The following SCLT1 variants were observed in gnomAD, a reference collection of about 807,000 sequenced individuals.
The protein encoded by SCLT1 is sodium channel and clathrin linker 1, also known as sodium channel-associated protein 1.
SCLT1 carries 78 observed loss-of-function variants against 112.8 expected under a neutral mutation model. The ratio of observed to expected loss-of-function variants is 0.69; its 90% CI spans 0.58 to 0.83. The LOEUF (loss-of-function observed/expected upper bound fraction) is 0.83, where lower values mean the gene tolerates loss of function less well. Among genes scored for constraint, SCLT1 ranks in the 40% least tolerant of loss-of-function variants. The pLI, the probability that SCLT1 is intolerant of heterozygous loss-of-function variation, is 0.00. For synonymous variants in SCLT1, 257 were observed against 254.7 expected (o/e 1.01, Z -0.09); for missense variants, 747 against 770.4 (o/e 0.97, Z 0.36).
chr4:129,063,236 C>T (rs1215325892), intron 2 of SCLT1, among the ~76,000 whole-genome samples: 2 of 152,188 alleles, frequency 1.3e-5, no homozygotes, highest in African/African-American at 2.4e-5. Context: ...ATCAGTCTTA[C>T]GTTGCCATCT....
chr4:129,022,667 T>C (rs779365199), intron 5 of SCLT1, among the ~76,000 whole-genome samples: 7 of 152,176 alleles, frequency 4.6e-5, no homozygotes, highest in Non-Finnish European at 8.8e-5. Flanking sequence ...AACCTACGAC[T>C]GACTGGGGAA....
chr4:129,012,937 T>C (rs1402830474), intron 5 of SCLT1, among the ~76,000 whole-genome samples: 2 of 152,180 alleles, frequency 1.3e-5, no homozygotes, highest in Admixed American at 1.3e-4. Flanking sequence ...AAAGACAGCA[T>C]ACCAACGGGT....
At chr4:128,951,390 T>TA (rs1560883432) in intron 14 of SCLT1, among the ~76,000 whole-genome samples, 1 of 152,186 alleles carries the variant, frequency 6.6e-6, no homozygotes, top group Non-Finnish European at 1.5e-5. Flanking sequence ...AGCTATGAAG[T>TA]AGAATTGTTT....
rs2125788304 is a variant in SCLT1, at chr4:129,090,218, A to G, written c.34+2852T>C. ...ACATCAATGATGTACAGAAGAACCA[A>G]TTTTATTTTAAAACTTACTATAAAG... On this transcript the variant is annotated intron_variant, in intron 1 of 20. Coordinates refer to ENST00000281142, the MANE Select transcript of SCLT1 (RefSeq NM_144643.4). 2.6e-5 allele frequency among the ~76,000 whole-genome samples: 4 copies of G among 152,292 alleles called. 1 individual carries two copies. The South Asian group carries it at 6.2e-4, about 24-fold the overall frequency.
At chr4:128,934,592 T>C (rs1377809994) in intron 18 of SCLT1, among the ~76,000 whole-genome samples, 2 of 151,904 alleles carry the variant, frequency 1.3e-5, no homozygotes, top group African/African-American at 4.8e-5. Flanking sequence ...GATTTGTTGC[T>C]AGGTATTTGA....
At chr4:128,982,253 G>A (rs890753202) in intron 9 of SCLT1, among the ~76,000 whole-genome samples, 1 of 152,150 alleles carries the variant, frequency 6.6e-6, no homozygotes, top group East Asian at 1.9e-4. Flanking sequence ...AAAATTTAAT[G>A]AGATCTCATC....
intron 14 of SCLT1, among the ~76,000 whole-genome samples, chr4:128,950,796 G>A (rs1738663349): frequency 6.6e-6 from 1 of 152,090 alleles, no homozygotes; most frequent in Non-Finnish European, 1.5e-5. Flanking sequence ...TGTTACTTTT[G>A]TAAGTTTGAA....
In SCLT1 at chr4:128,874,258, C is replaced by CTGGG. The variant is rs1339212915; in HGVS notation, n.407+153_407+156dup. 6 of 152,590 alleles carry CTGGG rather than the reference C, an allele frequency of 3.9e-5. No homozygotes were observed. In the East Asian group the frequency reaches 1.2e-3, roughly 29 times the overall value. The allele number at this position is 152,590 out of a possible 1,614,324, so 9.5% of individuals were successfully genotyped here. On this transcript the variant is annotated intron_variant and non_coding_transcript_variant, in intron 5 of 7. Coordinates refer to the SCLT1 transcript ENST00000503565. Reference sequence around the variant, plus strand: ...TTATCTTTTGATTACAGCAACAGCTCTGGGTGAGAGTAGAATTTATAGAGG... The same window carrying CTGGG: ...TTATCTTTTGATTACAGCAACAGCTCTGGGTGGGTGAGAGTAGAATTTATAGAGG...
At chr4:129,039,260 TAAAC>T (rs1364096745) in intron 4 of SCLT1, 164 bp from the exon 5 acceptor site, 3 of 541,270 alleles carry the variant, frequency 5.5e-6, no homozygotes, top group African/African-American at 3.8e-5. Context: ...AATTTACTAA[TAAAC>T]AGAACACAAT....
At chr4:128,999,139 G>A (rs1743246411) in intron 7 of SCLT1, among the ~76,000 whole-genome samples, 1 of 151,732 alleles carries the variant, frequency 6.6e-6, no homozygotes, top group Admixed American at 6.6e-5. Flanking sequence ...CTTGCTTTGG[G>A]TAGAAAAAAG....
chr4:128,968,849 T>C (rs1359513680), intron 10 of SCLT1, among the ~76,000 whole-genome samples: 1 of 152,236 alleles, frequency 6.6e-6, no homozygotes, highest in African/African-American at 2.4e-5. Flanking sequence ...AACTAGGCTC[T>C]GTGCCTACAT....
chr4:128,875,594 T>C (rs1187710380), intron 4 of SCLT1, among the ~76,000 whole-genome samples: 1 of 152,186 alleles, frequency 6.6e-6, no homozygotes, highest in East Asian at 1.9e-4. Context: ...GTTTTAAGCC[T>C]CAGTTTTCCC....
At chr4:128,966,858 C>G (rs1270406183) in intron 10 of SCLT1, among the ~76,000 whole-genome samples, 1 of 150,030 alleles carries the variant, frequency 6.7e-6, no homozygotes, top group Non-Finnish European at 1.5e-5. Flanking sequence ...TTTTTTTCCT[C>G]CCTTCCAGCC....
At chr4:128,896,198 C>T (rs1394697602) in intron 18 of SCLT1, among the ~76,000 whole-genome samples, 1 of 152,204 alleles carries the variant, frequency 6.6e-6, no homozygotes, top group Non-Finnish European at 1.5e-5. Flanking sequence ...AGTGGTTCTC[C>T]CAGCACGCAG....
chr4:129,086,865 G>C (rs1317627769), intron 1 of SCLT1, among the ~76,000 whole-genome samples: 1 of 152,038 alleles, frequency 6.6e-6, no homozygotes, highest in Non-Finnish European at 1.5e-5. Context: ...TCAAAAAGTA[G>C]GGCAACTTGA....
At chr4:128,927,376 A>T in intron 18 of SCLT1, among the ~76,000 whole-genome samples, 1 of 152,054 alleles carries the variant, frequency 6.6e-6, no homozygotes, top group East Asian at 1.9e-4. Context: ...GGAGTTCAAG[A>T]CCAGACTGGG....
chr4:128,929,466 T>C (rs1328390359), intron 18 of SCLT1, among the ~76,000 whole-genome samples: 3 of 152,202 alleles, frequency 2.0e-5, no homozygotes, highest in African/African-American at 7.2e-5. Flanking sequence ...ACAATTCTAA[T>C]ATGAATACAG....
rs553962268 is a variant in SCLT1 at position 129,010,558 on chromosome 4, T to A, written c.291-6682A>T. ...CTTTCTATCCATGAGCATGGAACAT[T>A]TTTTCATTTGTTTGTGTAATCTTTG... On this transcript the variant is annotated intron_variant, in intron 5 of 20. Transcript: ENST00000281142. Among the ~76,000 whole-genome samples, 7 of 152,342 alleles carry A rather than the reference T, an allele frequency of 4.6e-5. 1 individual carries two copies. In the South Asian group the frequency reaches 1.4e-3, roughly 32 times the overall value.
At chr4:128,952,020 G>A (rs777792197) in intron 14 of SCLT1, among the ~76,000 whole-genome samples, 3 of 152,068 alleles carry the variant, frequency 2.0e-5, no homozygotes, top group Admixed American at 2.0e-4. Context: ...GCAAGCAACA[G>A]GGAAAATAAA....
Sources: gnomAD v4.1 joint callset for allele counts (sites outside exome capture counted in the v4.1 genomes callset) on GRCh38, gnomAD v4.1.1 for gene constraint, MANE v1.5 for transcripts, NCBI Gene and HGNC (gene_info 2026-07-23, HGNC 2026-07-21) for gene names.